Variants in CDH20 observed in about 807,000 individuals in gnomAD.
CDH20 encodes cadherin 20.
A neutral mutation model predicts 74.2 loss-of-function variants in CDH20; 29 were observed. The observed-to-expected ratio is 0.39, with a 90% CI of 0.29 to 0.53. The LOEUF (loss-of-function observed/expected upper bound fraction) is 0.53. CDH20 is among the 20% of genes least tolerant of loss of function. The pLI is 0.69. For synonymous variants in CDH20, 469 were observed against 405.4 expected, an observed-to-expected ratio of 1.16 and a Z score of -1.88; for missense variants, 988 against 1,048.3, an observed-to-expected ratio of 0.94 and a Z score of 0.79.
In CDH20 at chr18:61,387,833, T is replaced by C. The variant is rs555451143; in HGVS notation, c.-153+54006T>C. Among the ~76,000 whole-genome samples, 30 of 152,298 alleles carry C rather than the reference T, an allele frequency of 2.0e-4. 1 individual carries two copies. Among genetic ancestry groups the C allele is most frequent in the Non-Finnish European group, 3.8e-4 (26 of 68,022 alleles). ...TGTCCACGGTGGAGGAAACATTAGATGAATTATTTCAAATTCTAAGCCCTG... is the reference window on the plus strand; with the variant it reads ...TGTCCACGGTGGAGGAAACATTAGACGAATTATTTCAAATTCTAAGCCCTG... On this transcript the variant is annotated intron_variant, in intron 1 of 11. Transcript: ENST00000262717.
At chr18:61,389,815 C>T (rs1911714303) in intron 1 of CDH20, among the ~76,000 whole-genome samples, 1 of 152,126 alleles carries the variant, frequency 6.6e-6, no homozygotes, top group Non-Finnish European at 1.5e-5. Context: ...CTATCAAAAG[C>T]TAACATGCCA....
chr18:61,494,896 T>A (rs1314352361), intron 2 of CDH20, among the ~76,000 whole-genome samples: 4 of 152,158 alleles, frequency 2.6e-5, no homozygotes, highest in African/African-American at 9.7e-5. Flanking sequence ...TCGAAATTAC[T>A]CAAGGTACTC....
At chr18:61,542,871 C>T (rs578999) in intron 9 of CDH20, among the ~76,000 whole-genome samples, 141,547 of 152,122 alleles carry the variant, frequency 0.93, 66,486 homozygotes, top group Non-Finnish European at 0.99. Context: ...AATCAGCTAT[C>T]ACAGGAACAA....
At chr18:61,419,838 T>C (rs1912817778) in intron 1 of CDH20, among the ~76,000 whole-genome samples, 1 of 152,204 alleles carries the variant, frequency 6.6e-6, no homozygotes, top group African/African-American at 2.4e-5. Flanking sequence ...GCGTACAAAA[T>C]AGAACTATTA....
chr18:61,474,321 T>G (rs2144388669), intron 1 of CDH20, among the ~76,000 whole-genome samples: 1 of 152,338 alleles, frequency 6.6e-6, no homozygotes, highest in Non-Finnish European at 1.5e-5. Flanking sequence ...GAAGATGAAT[T>G]TTTAAAATGT....
intron 9 of CDH20, among the ~76,000 whole-genome samples, chr18:61,542,066 G>C (rs1025988883): frequency 3.3e-5 from 5 of 152,148 alleles, no homozygotes; most frequent in Non-Finnish European, 7.3e-5. Flanking sequence ...CAATACGCAG[G>C]CCAGATATTC....
At chr18:61,356,619 G>A (rs1413789564) in intron 1 of CDH20, among the ~76,000 whole-genome samples, 2 of 152,104 alleles carry the variant, frequency 1.3e-5, no homozygotes, top group African/African-American at 2.4e-5. Context: ...CAATTCACAG[G>A]CAGTTAAGTA....
intron 1 of CDH20, among the ~76,000 whole-genome samples, chr18:61,355,264 T>A (rs1411272894): frequency 6.6e-6 from 1 of 152,262 alleles, no homozygotes; most frequent in Non-Finnish European, 1.5e-5. Flanking sequence ...GTAGCTTTTT[T>A]TTCTTTTTTC....
At chr18:61,355,413 T>A (rs1172564443) in intron 1 of CDH20, among the ~76,000 whole-genome samples, 1 of 152,240 alleles carries the variant, frequency 6.6e-6, no homozygotes, top group Non-Finnish European at 1.5e-5. Context: ...AATATCTGCC[T>A]GTACATGAGA....
intron 1 of CDH20, among the ~76,000 whole-genome samples, chr18:61,459,642 T>C (rs574866130): frequency 6.6e-6 from 1 of 152,202 alleles, no homozygotes; most frequent in East Asian, 1.9e-4. Flanking sequence ...TTTTCAGAAA[T>C]GCAAAAGCTC....
intron 1 of CDH20, among the ~76,000 whole-genome samples, chr18:61,402,422 T>A (rs1224070234): frequency 6.6e-6 from 1 of 152,018 alleles, no homozygotes; most frequent in Admixed American, 6.6e-5. Flanking sequence ...TTAAAAACCA[T>A]CATATATTCA....
chr18:61,380,540 T>C (rs13381224), intron 1 of CDH20, among the ~76,000 whole-genome samples: 24,241 of 152,258 alleles, frequency 0.16, 1,993 homozygotes, highest in East Asian at 0.23. Flanking sequence ...CCGGGCACAG[T>C]GGCTCATGCC....
Position 61,528,461 on chromosome 18 carries a change from A to ACACG in CDH20, c.1271+244_1271+245insGCAC. ...AATTGGTTGAGACACACACACACAC[A>ACACG]CACACACACACACACACACACCCCT... On this transcript the variant is annotated intron_variant, in intron 7 of 11. Coordinates refer to ENST00000262717, the MANE Select transcript of CDH20 (RefSeq NM_031891.4). Among the ~76,000 whole-genome samples the ACACG allele has an allele frequency of 3.3e-5, 5 of 151,562 alleles. 1 individual carries two copies. The highest frequency in any genetic ancestry group is 3.3e-4 in the Admixed American group (5 of 15,206).
Position 61,501,349 on chromosome 18 carries a change from T to C in CDH20, c.661+847T>C, listed in dbSNP as rs567089973. Among the ~76,000 whole-genome samples the C allele has an allele frequency of 2.6e-5, 4 of 152,324 alleles. No individual in the cohort carries two copies. In the East Asian group the frequency reaches 7.7e-4, roughly 29 times the overall value. ...TGGCAAAGTTATTGTGATATCATTA[T>C]TATCTTATACTTGTGCCAGGCTTCC... On this transcript the variant is annotated intron_variant, in intron 4 of 11. Coordinates refer to ENST00000262717, the MANE Select transcript of CDH20 (RefSeq NM_031891.4).
intron 1 of CDH20, among the ~76,000 whole-genome samples, chr18:61,451,720 G>A (rs181689379): frequency 1.3e-5 from 2 of 151,714 alleles, no homozygotes; most frequent in African/African-American, 2.4e-5. Context: ...GTCAAATCAT[G>A]GCTGAATGTT....
chr18:61,355,117 T>G (rs1910454053), intron 1 of CDH20, among the ~76,000 whole-genome samples: 1 of 152,232 alleles, frequency 6.6e-6, no homozygotes, highest in Non-Finnish European at 1.5e-5. Flanking sequence ...TTCAATAATC[T>G]GTTAATATGT....
chr18:61,472,645 T>C (rs148171135), intron 1 of CDH20, among the ~76,000 whole-genome samples: 15 of 152,350 alleles, frequency 9.8e-5, no homozygotes, highest in African/African-American at 2.6e-4. Context: ...AATAGAAAGA[T>C]TGTCTTGGGA....
At chr18:61,426,557 A>G (rs1246099166) in intron 1 of CDH20, among the ~76,000 whole-genome samples, 1 of 152,206 alleles carries the variant, frequency 6.6e-6, no homozygotes, top group Non-Finnish European at 1.5e-5. Flanking sequence ...CCCTAACTGC[A>G]GCCTTACAGT....
At chr18:61,486,706 C>T (rs569043) in intron 1 of CDH20, among the ~76,000 whole-genome samples, 151,016 of 152,278 alleles carry the variant, frequency 0.99, 74,900 homozygotes, top group Middle Eastern at 1. Context: ...GCTCTTAAAA[C>T]CATGACACCA....
Sources: allele counts gnomAD v4.1 joint callset (sites outside exome capture counted in the v4.1 genomes callset), GRCh38; gene constraint gnomAD v4.1.1; transcripts MANE v1.5; gene names NCBI Gene and HGNC (gene_info 2026-07-23, HGNC 2026-07-21).